DDX60: variants seen among roughly 807,000 people sequenced by gnomAD.
DDX60 encodes the protein DExD/H-box helicase 60, also known as probable ATP-dependent RNA helicase DDX60.
DDX60 carries 165 observed loss-of-function variants against 212.8 expected under a neutral mutation model. That is an observed-to-expected ratio of 0.78 (90% CI 0.68 to 0.88). The LOEUF is 0.88. DDX60 is among the 40% of genes least tolerant of loss of function. The pLI is 0.00. For synonymous variants in DDX60, 703 were observed against 685.3 expected (o/e 1.03, Z -0.40); for missense variants, 1,905 against 2,003.9 (o/e 0.95, Z 0.94).
Position 168,306,480 on chromosome 4 carries a change from T to G in DDX60, c.505A>C (p.Lys169Gln). 1.9e-6 allele frequency: 3 copies of G among 1,614,198 alleles called. No homozygotes were observed. The highest frequency in any genetic ancestry group is 2.5e-6 in the Non-Finnish European group (3 of 1,180,030). Residue 169 changes from lysine (K) to glutamine (Q), a missense_variant, in exon 5 of 38, where the codon AAG becomes CAG. Transcript: ENST00000393743. ...NFLIIHSWAR[K>Q]VNVVLSSGQE... ...CCTGAGGAAAGTACAACGTTGACCT[T>G]CCTTGCCCAAGAATGAATGATTAAA...
intron 29 of DDX60, among the ~76,000 whole-genome samples, chr4:168,247,672 G>A (rs940485296): frequency 6.6e-6 from 1 of 152,188 alleles, no homozygotes; most frequent in Non-Finnish European, 1.5e-5. Flanking sequence ...ACAAGGCTAA[G>A]AACGTACGAT....
intron 6 of DDX60, among the ~76,000 whole-genome samples, chr4:168,298,508 T>C (rs1193341218): frequency 1.3e-5 from 2 of 152,178 alleles, no homozygotes; most frequent in Admixed American, 6.5e-5. Flanking sequence ...AAAGCAGTCT[T>C]TTATTCTAAA....
At chr4:168,311,500 T>C in intron 1 of DDX60, 135 bp from the exon 2 acceptor site, 1 of 467,614 alleles carries the variant, frequency 2.1e-6, no homozygotes, top group Non-Finnish European at 3.8e-6. Context: ...CTCACAGAGC[T>C]TAAAGATAAT....
chr4:168,298,147 A>T (rs1375486807), intron 6 of DDX60, among the ~76,000 whole-genome samples: 1 of 151,950 alleles, frequency 6.6e-6, no homozygotes, highest in African/African-American at 2.4e-5. Flanking sequence ...CATGTAAAAC[A>T]GCCCAAAGTT....
chr4:168,260,644 T>C (rs575146291), intron 25 of DDX60, among the ~76,000 whole-genome samples: 2 of 152,178 alleles, frequency 1.3e-5, no homozygotes, highest in South Asian at 4.2e-4. Flanking sequence ...AACCTAGATC[T>C]CTCACATGTG....
chr4:168,244,953 G>C (rs1733972966), intron 30 of DDX60, among the ~76,000 whole-genome samples: 1 of 152,070 alleles, frequency 6.6e-6, no homozygotes, highest in African/African-American at 2.4e-5. Context: ...AAAAACAACA[G>C]AACAATTAAC....
At chr4:168,276,404 T>C (rs562483573) in intron 14 of DDX60, among the ~76,000 whole-genome samples, 8 of 152,314 alleles carry the variant, frequency 5.3e-5, no homozygotes, top group African/African-American at 1.7e-4. Flanking sequence ...GGAAAAAAAT[T>C]GTAGTTCATA....
chr4:168,302,456 A>C (rs1736687316), intron 5 of DDX60, 40 bp from the exon 6 acceptor site: 1 of 890,428 alleles, frequency 1.1e-6, no homozygotes, highest in South Asian at 2.4e-5. Flanking sequence ...GTTATAAATA[A>C]AATATGTAAT....
chr4:168,302,621 G>A (rs993097011), intron 5 of DDX60, among the ~76,000 whole-genome samples: 2 of 152,118 alleles, frequency 1.3e-5, no homozygotes, highest in Non-Finnish European at 2.9e-5. Flanking sequence ...GGAATATAGC[G>A]TATTTTGTTT....
chr4:168,258,143 T>TCTGCA lies in DDX60; in HGVS notation c.3399-2275_3399-2274insTGCAG, dbSNP rs11272772. ...CTGACAAAAAGGGATCATCCTGGTA[T>TCTGCA]ACAAGAATGAATGCGACCTAGAGAT... On this transcript the variant is annotated intron_variant, in intron 25 of 37. Coordinates refer to ENST00000393743, the MANE Select transcript of DDX60 (RefSeq NM_017631.6). Among the ~76,000 whole-genome samples, 718 of 152,318 alleles carry TCTGCA rather than the reference T, an allele frequency of 4.7e-3. 6 individuals are homozygous for TCTGCA. Among genetic ancestry groups the TCTGCA allele is most frequent in the Non-Finnish European group, 6.6e-3 (450 of 68,022 alleles).
Position 168,310,988 on chromosome 4 carries a change from T to C in DDX60, c.74+10A>G, listed in dbSNP as rs745465675. ...TGATTTCCCGTCTTTATTACTATAA[T>C]AATACTCACTCAGCTTTTGGCATTT... On this transcript the variant is annotated intron_variant, in intron 3 of 37. Coordinates refer to ENST00000393743, the MANE Select transcript of DDX60 (RefSeq NM_017631.6). 2.0e-6 allele frequency: 3 copies of C among 1,487,114 alleles called. No homozygotes were observed. The highest frequency in any genetic ancestry group is 1.7e-5 in the Admixed American group (1 of 58,708). The allele number at this position is 1,487,114 out of a possible 1,614,324, so 92.1% of individuals were successfully genotyped here.
intron 5 of DDX60, among the ~76,000 whole-genome samples, chr4:168,306,171 T>C (rs1736865094): frequency 6.6e-6 from 1 of 152,212 alleles, no homozygotes; most frequent in African/African-American, 2.4e-5. Context: ...AAATTATTCA[T>C]GAGAAATACC....
intron 30 of DDX60, among the ~76,000 whole-genome samples, chr4:168,238,455 AAGGGAAG>A (rs1733718958): frequency 4.3e-5 from 5 of 116,344 alleles, no homozygotes; most frequent in African/African-American, 1.2e-4. Context: ...AAGGGAAGGG[AAGGGAAG>A]GGAAGGGAAG....
intron 20 of DDX60, 78 bp from the exon 21 acceptor site, chr4:168,268,061 C>A: frequency 8.0e-7 from 1 of 1,246,490 alleles, no homozygotes; most frequent in Non-Finnish European, 1.1e-6. Flanking sequence ...TAAGTAAAGA[C>A]AATTTCATCT....
upstream of DDX60, among the ~76,000 whole-genome samples, chr4:168,323,665 G>A (rs10012032): frequency 0.028 from 4,239 of 152,278 alleles, 211 homozygotes; most frequent in African/African-American, 0.095. Context: ...GCCTTAGTAT[G>A]TATAGAGGTA....
At chr4:168,280,262 C>T (rs1338295098) in intron 14 of DDX60, 73 bp downstream of exon 14, 1 of 1,523,572 alleles carries the variant, frequency 6.6e-7, no homozygotes, top group Admixed American at 2.2e-5. Flanking sequence ...TTCCAGTTAA[C>T]AAATGGCAAC....
chr4:168,264,253 AC>A (rs1226480467), intron 22 of DDX60, among the ~76,000 whole-genome samples: 1 of 152,222 alleles, frequency 6.6e-6, no homozygotes, highest in African/African-American at 2.4e-5. Context: ...GTGAGAGCAG[AC>A]AAAATCAACA....
chr4:168,274,138 AC>A, intron 16 of DDX60, 55 bp from the exon 17 acceptor site: 1 of 1,604,470 alleles, frequency 6.2e-7, no homozygotes, highest in Non-Finnish European at 8.5e-7. Flanking sequence ...TGTTACCAAA[AC>A]AAAGACAGTA....
intron 6 of DDX60, among the ~76,000 whole-genome samples, chr4:168,299,071 G>A (rs993252451): frequency 5.5e-5 from 8 of 144,640 alleles, no homozygotes; most frequent in African/African-American, 1.8e-4. Context: ...TGAGGCAGGA[G>A]AATTGCTTGA....
Sources: allele counts gnomAD v4.1 joint callset (sites outside exome capture counted in the v4.1 genomes callset), GRCh38; gene constraint gnomAD v4.1.1; transcripts MANE v1.5; gene names NCBI Gene and HGNC (gene_info 2026-07-23, HGNC 2026-07-21).